POLK: variants seen among roughly 807,000 people sequenced by gnomAD.
The protein encoded by POLK is polymerase (DNA directed) kappa.
Under a neutral mutation model 94.0 loss-of-function variants are expected in POLK, and 76 were observed. That is an observed-to-expected ratio of 0.81 (90% confidence interval 0.67 to 0.98). The LOEUF (loss-of-function observed/expected upper bound fraction) is 0.98, where lower values mean the gene tolerates loss of function less well. Ranked by LOEUF, POLK falls within the 50% of genes least tolerant of loss-of-function variation. The probability of loss-of-function intolerance (pLI) is 0.00; values close to 1 mark genes in which losing one functional copy is unlikely to be tolerated. For missense variants in POLK, 954 were observed against 1,010.1 expected (o/e 0.94, Z 0.75); for synonymous variants, 349 against 325.4 (o/e 1.07, Z -0.78).
chr5:75,581,437 C>T, exon 7 of POLK: 2 of 1,613,294 alleles, frequency 1.2e-6, no homozygotes, highest in Non-Finnish European at 1.7e-6. Context: ...ACAACACTGA[C>T]AGCCAGTGCA....
chr5:75,592,120 ATTG>A (rs1772821079), intron 11 of POLK, among the ~76,000 whole-genome samples: 1 of 152,208 alleles, frequency 6.6e-6, no homozygotes, highest in Non-Finnish European at 1.5e-5. Flanking sequence ...TACAGTTCAT[ATTG>A]TTTTATAACC....
rs151303145 is a variant in POLK at position 75,596,698 on chromosome 5, G to A, written c.2005G>A (p.Val669Ile). The change falls in exon 13 of 15, where the codon GTT (valine) becomes ATT (isoleucine). Residue 669 changes from valine to isoleucine, a missense_variant. Physicochemically the swap from Val to Ile is conservative, Grantham distance 29. Transcript: ENST00000241436. ...GTGTTCACATGTTTCTGCTACCAAA[G>A]TTAACAAGAAAGAAAATGTTCCTGC... The A allele has an allele frequency of 1.5e-5, 24 of 1,613,832 alleles. No individual in the cohort carries two copies. The African/African-American group carries it at 2.7e-4, about 18-fold the overall frequency.
chr5:75,595,843 G>A (rs1773052529), intron 12 of POLK, among the ~76,000 whole-genome samples: 1 of 151,452 alleles, frequency 6.6e-6, no homozygotes. Flanking sequence ...GGGATCTTTG[G>A]GAACTCATTG....
chr5:75,609,698 T>C, the POLK span: 2 of 152,236 alleles, frequency 1.3e-5, no homozygotes, highest in African/African-American at 4.8e-5. Flanking sequence ...TACCTGCTAT[T>C]GTTTTTATCA....
At chr5:75,582,340 T>G (rs776593102) in intron 7 of POLK, 2 of 153,896 alleles carry the variant, frequency 1.3e-5, no homozygotes, top group Non-Finnish European at 2.9e-5. Flanking sequence ...GAATGAATAA[T>G]GCATTTTAGG....
intron 1 of POLK, among the ~76,000 whole-genome samples, chr5:75,538,301 A>G (rs532769694): frequency 2.4e-4 from 36 of 152,320 alleles, no homozygotes; most frequent in African/African-American, 6.3e-4. Context: ...GCATATTTGG[A>G]TCTCATTAAT....
chr5:75,560,470 G>A (rs1408370058), intron 3 of POLK, among the ~76,000 whole-genome samples: 1 of 152,070 alleles, frequency 6.6e-6, no homozygotes, highest in African/African-American at 2.4e-5. Flanking sequence ...GAGTTGCAGT[G>A]CTAGGACCCG....
exon 1 of POLK, chr5:75,511,841 G>A: frequency 1.3e-6 from 2 of 1,548,108 alleles, no homozygotes; most frequent in Admixed American, 2.0e-5. Flanking sequence ...CAGCTGTGCT[G>A]CATTCTGGGA....
chr5:75,548,001 G>C (rs750054258), intron 2 of POLK, among the ~76,000 whole-genome samples: 1 of 152,044 alleles, frequency 6.6e-6, no homozygotes, highest in African/African-American at 2.4e-5. Context: ...ATAATAGCTC[G>C]TTACAGCCTC....
chr5:75,567,201 CTATTTAT>C (rs1459776474), intron 3 of POLK, among the ~76,000 whole-genome samples: 1 of 152,060 alleles, frequency 6.6e-6, no homozygotes, highest in Non-Finnish European at 1.5e-5. Flanking sequence ...GACTTGCTTT[CTATTTAT>C]TATCTTTTTC....
At chr5:75,520,370 T>C (rs1408226149) in intron 1 of POLK, among the ~76,000 whole-genome samples, 3 of 152,196 alleles carry the variant, frequency 2.0e-5, no homozygotes, top group Non-Finnish European at 4.4e-5. Flanking sequence ...ATCTATGTAC[T>C]TACCTTTACC....
At chr5:75,589,259 A>C (rs1225538987) in intron 10 of POLK, among the ~76,000 whole-genome samples, 1 of 152,124 alleles carries the variant, frequency 6.6e-6, no homozygotes, top group African/African-American at 2.4e-5. Context: ...TCATTTACTC[A>C]TGGGGAACTC....
At chr5:75,559,322 A>T (rs1051822317) in intron 3 of POLK, among the ~76,000 whole-genome samples, 1 of 151,874 alleles carries the variant, frequency 6.6e-6, no homozygotes, top group Non-Finnish European at 1.5e-5. Context: ...CTCTAAGTAT[A>T]CTCCACCCTT....
intron 2 of POLK, among the ~76,000 whole-genome samples, chr5:75,551,687 A>G (rs1770342666): frequency 6.6e-6 from 1 of 152,216 alleles, no homozygotes; most frequent in African/African-American, 2.4e-5. Context: ...ACTATTGCTT[A>G]GAATAGCTAT....
At chr5:75,561,348 G>T (rs997131954) in intron 3 of POLK, among the ~76,000 whole-genome samples, 1 of 152,078 alleles carries the variant, frequency 6.6e-6, no homozygotes. Context: ...CTTTTTGATG[G>T]GGTTGTTTGG....
Position 75,584,823 on chromosome 5 carries a change from G to T in POLK, c.1123G>T (p.Glu375Ter). 6.2e-7 allele frequency: 1 copy of T among 1,600,340 alleles called. No homozygotes were observed. Among genetic ancestry groups the T allele is most frequent in the Non-Finnish European group, 8.6e-7 (1 of 1,169,022 alleles). ...GGCCCTTGGAATTATTACATGTACA[G>T]AACTTTACCAACAGAGGGCATTGCT... is the stretch of plus-strand genomic sequence containing the variant. Residue 375 changes from glutamate (E) to a stop codon, truncating the protein, a stop_gained, in exon 9 of 15, where the codon GAA becomes TAA. Coordinates refer to ENST00000241436, the Ensembl canonical transcript of POLK. LOFTEE classifies it high-confidence loss of function.
chr5:75,566,591 A>C (rs1771287920), intron 3 of POLK, among the ~76,000 whole-genome samples: 1 of 152,196 alleles, frequency 6.6e-6, no homozygotes, highest in African/African-American at 2.4e-5. Context: ...CCAACGGCAC[A>C]GTCCCTCACG....
At chr5:75,516,644 A>G (rs146268289) in intron 1 of POLK, among the ~76,000 whole-genome samples, 1 of 152,170 alleles carries the variant, frequency 6.6e-6, no homozygotes, top group African/African-American at 2.4e-5. Context: ...AAAGCCAGGT[A>G]ACAGAGTGAG....
intron 6 of POLK, among the ~76,000 whole-genome samples, chr5:75,579,739 A>G (rs1772102141): frequency 6.6e-6 from 1 of 151,986 alleles, no homozygotes; most frequent in African/African-American, 2.4e-5. Context: ...ATATCAGCTA[A>G]TGTAAGTTTG....
Sources: gnomAD v4.1 joint callset for allele counts (sites outside exome capture counted in the v4.1 genomes callset) on GRCh38, gnomAD v4.1.1 for gene constraint, MANE v1.5 for transcripts, NCBI Gene and HGNC (gene_info 2026-07-23, HGNC 2026-07-21) for gene names.